DNAH8: variants seen among roughly 807,000 people sequenced by gnomAD.
The protein encoded by DNAH8 is axonemal beta dynein heavy chain 8.
In DNAH8, 382 loss-of-function variants were observed where a neutral mutation model predicts 562.1. The observed-to-expected ratio is 0.68, with a 90% CI of 0.63 to 0.74. The LOEUF (loss-of-function observed/expected upper bound fraction) is 0.74, where lower values mean the gene tolerates loss of function less well. Ranked by LOEUF, DNAH8 falls within the 30% of genes least tolerant of loss-of-function variation. The probability of loss-of-function intolerance (pLI) is 0.00; values close to 1 mark genes in which losing one functional copy is unlikely to be tolerated. For missense variants in DNAH8, 5,203 were observed against 5,620.4 expected, an observed-to-expected ratio of 0.93 and a Z score of 2.37; for synonymous variants, 1,881 against 1,919.4, an observed-to-expected ratio of 0.98 and a Z score of 0.52.
Position 38,750,541 on chromosome 6 carries a change from T to C in DNAH8, c.1359T>C (p.Tyr453=). The change falls in exon 9 of 93, where the codon TAT becomes TAC. Residue 453 remains tyrosine, a synonymous_variant. Transcript: ENST00000327475. ...ATGAATCCAAAGATAATGTCAGATATTTGTATACTTTGGAAAAAGTGTGTC... is the reference window on the plus strand; with the variant it reads ...ATGAATCCAAAGATAATGTCAGATACTTGTATACTTTGGAAAAAGTGTGTC... The part of the protein sequence containing the change: ...TANESKDNVR[Y]LYTLEKVCQP... The C allele has an allele frequency of 6.2e-7, 1 of 1,611,950 alleles. No individual in the cohort carries two copies. The highest frequency in any genetic ancestry group is 1.1e-5 in the South Asian group (1 of 90,628).
chr6:38,988,587 A>C (rs530607058), intron 87 of DNAH8, among the ~76,000 whole-genome samples: 1 of 152,316 alleles, frequency 6.6e-6, no homozygotes, highest in South Asian at 2.1e-4. Flanking sequence ...ATTAATCACC[A>C]GTCCTCACCC....
chr6:38,968,724 C>T (rs1451829757), intron 82 of DNAH8, among the ~76,000 whole-genome samples: 1 of 152,154 alleles, frequency 6.6e-6, no homozygotes, highest in African/African-American at 2.4e-5. Context: ...AACAGTCTAG[C>T]AGTTTCTCAG....
chr6:38,921,537 G>C lies in DNAH8; in HGVS notation c.10662+31G>C, dbSNP rs757386875. 13 of 1,601,752 alleles carry C rather than the reference G, an allele frequency of 8.1e-6. No individual in the cohort carries two copies. In the South Asian group the frequency reaches 1.2e-4, roughly 15 times the overall value. ...ATTAAACATAAAAAATCCCCAAAAT[G>C]GTGTACTGAAACTTTACACAAGAGC... On this transcript the variant is annotated intron_variant, in intron 71 of 92. Transcript: ENST00000327475.
At chr6:38,901,537 T>C (rs1780082808) in intron 62 of DNAH8, among the ~76,000 whole-genome samples, 1 of 152,186 alleles carries the variant, frequency 6.6e-6, no homozygotes, top group Non-Finnish European at 1.5e-5. Flanking sequence ...TCCTTATCTA[T>C]CTTTGTATCA....
chr6:38,727,757 C>G (rs1350557460), intron 3 of DNAH8, among the ~76,000 whole-genome samples: 1 of 152,200 alleles, frequency 6.6e-6, no homozygotes, highest in Non-Finnish European at 1.5e-5. Context: ...GCAGATGTTT[C>G]TGCAACATTG....
rs201922165 is a variant in DNAH8, at chr6:38,938,088, C to T, written c.11678C>T (p.Ala3893Val). The T allele has an allele frequency of 2.0e-5, 33 of 1,613,974 alleles. No individual in the cohort carries two copies. Among genetic ancestry groups the T allele is most frequent in the Admixed American group, 1.2e-4 (7 of 60,002 alleles). ...VAAETEIKIN[A>V]AQEEFRPAAT... The stretch of plus-strand genomic sequence containing the variant: ...GCAGAAACTGAGATCAAGATCAACG[C>T]GGCTCAGGAGGAGTTCCGGCCCGCA... Residue 3893 changes from alanine (A) to valine (V), a missense_variant, in exon 78 of 93, where the codon GCG becomes GTG. This residue lies in a region of DNAH8 where 1,399 missense variants were observed against 1,518.4 expected (regional missense o/e 0.92). Coordinates refer to ENST00000327475, the MANE Select transcript of DNAH8 (RefSeq NM_001206927.2).
chr6:38,973,218 GT>G (rs1335740849), intron 83 of DNAH8, among the ~76,000 whole-genome samples: 1 of 152,206 alleles, frequency 6.6e-6, no homozygotes, highest in Non-Finnish European at 1.5e-5. Context: ...CAAACGTATT[GT>G]CTCCAGCTTT....
chr6:38,939,878 A>G (rs1179485776), intron 79 of DNAH8, among the ~76,000 whole-genome samples: 1 of 152,218 alleles, frequency 6.6e-6, no homozygotes, highest in African/African-American at 2.4e-5. Context: ...AAATGAGGAA[A>G]ACATTCCATG....
intron 82 of DNAH8, among the ~76,000 whole-genome samples, chr6:38,971,265 T>A (rs1763326054): frequency 6.6e-6 from 1 of 152,202 alleles, no homozygotes; most frequent in African/African-American, 2.4e-5. Context: ...ATACCTGTGA[T>A]AGCATTGTAG....
At chr6:38,741,285 C>G (rs1456942825) in intron 7 of DNAH8, among the ~76,000 whole-genome samples, 1 of 152,084 alleles carries the variant, frequency 6.6e-6, no homozygotes, top group African/African-American at 2.4e-5. Flanking sequence ...TGCCCGTAGT[C>G]CTAGCTACTC....
intron 11 of DNAH8, among the ~76,000 whole-genome samples, chr6:38,766,605 G>A (rs12199272): frequency 0.24 from 36,412 of 151,924 alleles, 4,743 homozygotes; most frequent in Middle Eastern, 0.3. Context: ...TCCCACCTCA[G>A]CCTCCCTAGT....
intron 53 of DNAH8, among the ~76,000 whole-genome samples, chr6:38,876,718 C>A (rs565446869): frequency 1.3e-5 from 2 of 152,112 alleles, no homozygotes; most frequent in Non-Finnish European, 2.9e-5. Context: ...CCTCCTGGGC[C>A]GCTTTCCAAA....
At chr6:38,973,561 G>C in intron 83 of DNAH8, 100 bp from the exon 84 acceptor site, 4 of 858,420 alleles carry the variant, frequency 4.7e-6, no homozygotes, top group Non-Finnish European at 7.0e-6. Flanking sequence ...GTTCAAAACA[G>C]AGTATTCACA....
chr6:38,921,856 G>A (rs1390242991), intron 71 of DNAH8, among the ~76,000 whole-genome samples: 1 of 152,132 alleles, frequency 6.6e-6, no homozygotes, highest in East Asian at 1.9e-4. Flanking sequence ...TCCGAAAAGA[G>A]TCAGCGAAGG....
chr6:38,784,729 A>G (rs1768978157), intron 17 of DNAH8, among the ~76,000 whole-genome samples: 1 of 152,246 alleles, frequency 6.6e-6, no homozygotes, highest in Non-Finnish European at 1.5e-5. Context: ...ACAAGGAACT[A>G]TTATTAGCCT....
At chr6:39,003,094 C>T (rs931403139) in intron 88 of DNAH8, among the ~76,000 whole-genome samples, 1 of 152,208 alleles carries the variant, frequency 6.6e-6, no homozygotes, top group Non-Finnish European at 1.5e-5. Flanking sequence ...CCCCACCACA[C>T]GCAGCTTTTT....
At chr6:38,772,207 T>C (rs912682936) in intron 12 of DNAH8, among the ~76,000 whole-genome samples, 1 of 151,972 alleles carries the variant, frequency 6.6e-6, no homozygotes, top group African/African-American at 2.4e-5. Flanking sequence ...TTTTTGTATT[T>C]TTAGTAGAGA....
At chr6:38,930,075 C>T (rs1237606001) in intron 75 of DNAH8, among the ~76,000 whole-genome samples, 1 of 151,986 alleles carries the variant, frequency 6.6e-6, no homozygotes, top group East Asian at 1.9e-4. Flanking sequence ...ACAAAATAAC[C>T]CGGATTTCTT....
chr6:38,737,274 T>C lies in DNAH8; in HGVS notation c.952+18T>C. 7.3e-7 allele frequency: 1 copy of C among 1,376,768 alleles called. No individual in the cohort carries two copies. Among genetic ancestry groups the C allele is most frequent in the Middle Eastern group, 1.9e-4 (1 of 5,144 alleles). The allele number at this position is 1,376,768 out of a possible 1,614,324, so 85.3% of individuals were successfully genotyped here. A position where few individuals can be genotyped will look rare whatever the true frequency, so the allele number is the denominator to read the frequency against. On this transcript the variant is annotated intron_variant, in intron 6 of 92. Transcript: ENST00000327475. ...TTTAGATGGTAAGTATAAAATTTAATGTTTAGCAAATTGCAAAAAAGAAGC... is the reference window on the plus strand; with the variant it reads ...TTTAGATGGTAAGTATAAAATTTAACGTTTAGCAAATTGCAAAAAAGAAGC...
Sources: allele counts gnomAD v4.1 joint callset (sites outside exome capture counted in the v4.1 genomes callset), GRCh38; gene constraint gnomAD v4.1.1; regional missense constraint gnomAD v4.1.1; transcripts MANE v1.5; gene names NCBI Gene and HGNC (gene_info 2026-07-23, HGNC 2026-07-21).